The following EXOC6B variants were observed in gnomAD, a reference collection of about 807,000 sequenced individuals.
The protein encoded by EXOC6B is SEC15 homolog B.
Under a neutral mutation model 113.5 loss-of-function variants are expected in EXOC6B, and 54 were observed. The observed-to-expected ratio is 0.48, with a 90% CI of 0.38 to 0.60. The LOEUF (loss-of-function observed/expected upper bound fraction) is 0.60, where lower values mean the gene tolerates loss of function less well. Ranked by LOEUF, EXOC6B falls within the 20% of genes least tolerant of loss-of-function variation. The pLI, the probability that EXOC6B is intolerant of heterozygous loss-of-function variation, is 0.00. For synonymous variants in EXOC6B, 357 were observed against 339.0 expected (o/e 1.05, Z -0.58); for missense variants, 797 against 977.5 (o/e 0.82, Z 2.46).
At chr2:72,637,015 A>G (rs1292815258) in intron 6 of EXOC6B, among the ~76,000 whole-genome samples, 1 of 152,198 alleles carries the variant, frequency 6.6e-6, no homozygotes, top group Non-Finnish European at 1.5e-5. Flanking sequence ...TCATTTGAAC[A>G]TGATACCAAT....
intron 6 of EXOC6B, among the ~76,000 whole-genome samples, chr2:72,653,029 T>C (rs964358064): frequency 6.6e-6 from 1 of 151,838 alleles, no homozygotes; most frequent in Non-Finnish European, 1.5e-5. Context: ...TTTATAATCC[T>C]GTTGCCATTT....
At chr2:72,502,694 A>G (rs1328936162) in intron 11 of EXOC6B, among the ~76,000 whole-genome samples, 3 of 152,132 alleles carry the variant, frequency 2.0e-5, no homozygotes, top group African/African-American at 7.2e-5. Flanking sequence ...CCTGTTTGAC[A>G]CTCAATGTAT....
At chr2:72,324,109 G>A (rs1687996237) in intron 20 of EXOC6B, among the ~76,000 whole-genome samples, 1 of 151,888 alleles carries the variant, frequency 6.6e-6, no homozygotes, top group Non-Finnish European at 1.5e-5. Flanking sequence ...ATTGTGTTAA[G>A]ATAGAACATT....
chr2:72,684,016 C>T (rs1413824097), intron 6 of EXOC6B, among the ~76,000 whole-genome samples: 4 of 152,254 alleles, frequency 2.6e-5, no homozygotes, highest in African/African-American at 9.6e-5. Context: ...ACTGCAACCT[C>T]CGCTTCCCGG....
At chr2:72,326,781 T>C (rs1403971596) in intron 20 of EXOC6B, among the ~76,000 whole-genome samples, 1 of 151,516 alleles carries the variant, frequency 6.6e-6, no homozygotes, top group Non-Finnish European at 1.5e-5. Context: ...GCCATTAGTT[T>C]CAATGGCAAA....
chr2:72,659,885 G>T (rs1354973251), intron 6 of EXOC6B, among the ~76,000 whole-genome samples: 2 of 151,950 alleles, frequency 1.3e-5, no homozygotes, highest in Non-Finnish European at 2.9e-5. Flanking sequence ...CATTTGTTGT[G>T]CATATGCCAA....
intron 6 of EXOC6B, among the ~76,000 whole-genome samples, chr2:72,709,351 C>T (rs1679114365): frequency 6.6e-6 from 1 of 152,182 alleles, no homozygotes; most frequent in Non-Finnish European, 1.5e-5. Context: ...GAATTCTCAA[C>T]TGGGTTTCTC....
intron 6 of EXOC6B, among the ~76,000 whole-genome samples, chr2:72,599,523 A>G (rs1670278803): frequency 1.3e-5 from 2 of 152,188 alleles, no homozygotes; most frequent in Non-Finnish European, 2.9e-5. Flanking sequence ...ACTACTATCC[A>G]ACATCATATT....
chr2:72,187,284 G>A (rs1470764550), intron 20 of EXOC6B, among the ~76,000 whole-genome samples: 1 of 152,012 alleles, frequency 6.6e-6, no homozygotes, highest in Non-Finnish European at 1.5e-5. Flanking sequence ...ACAAAGGGCT[G>A]CAGCTCTTCT....
At chr2:72,216,515 C>T (rs1573015119) in intron 20 of EXOC6B, among the ~76,000 whole-genome samples, 1 of 152,202 alleles carries the variant, frequency 6.6e-6, no homozygotes, top group East Asian at 1.9e-4. Flanking sequence ...GGATCTAGAA[C>T]CAGAAATACC....
intron 8 of EXOC6B, among the ~76,000 whole-genome samples, chr2:72,516,849 T>C (rs1043469061): frequency 1.4e-4 from 21 of 152,214 alleles, no homozygotes; most frequent in Admixed American, 1.0e-3. Flanking sequence ...CAGTATCTCA[T>C]GCAAGCGCTT....
chr2:72,418,121 C>T (rs1694645875), intron 18 of EXOC6B, among the ~76,000 whole-genome samples: 1 of 152,040 alleles, frequency 6.6e-6, no homozygotes. Context: ...TTCCCTTCTG[C>T]TATTATATAG....
intron 19 of EXOC6B, among the ~76,000 whole-genome samples, chr2:72,350,185 A>G (rs1280459874): frequency 6.6e-6 from 1 of 152,224 alleles, no homozygotes; most frequent in Non-Finnish European, 1.5e-5. Flanking sequence ...GAAAATTTAA[A>G]TATATTATAT....
intron 19 of EXOC6B, among the ~76,000 whole-genome samples, chr2:72,369,237 A>T (rs571878094): frequency 5.9e-5 from 9 of 152,216 alleles, no homozygotes; most frequent in Non-Finnish European, 1.2e-4. Context: ...AGAGAGCCAA[A>T]TCATGAGTGA....
chr2:72,203,721 A>G (rs1258163443), intron 20 of EXOC6B, among the ~76,000 whole-genome samples: 1 of 152,164 alleles, frequency 6.6e-6, no homozygotes, highest in East Asian at 1.9e-4. Context: ...AATGAATTGT[A>G]TTCCCACATT....
At chr2:72,350,036 A>G (rs1292139272) in intron 19 of EXOC6B, among the ~76,000 whole-genome samples, 5 of 152,036 alleles carry the variant, frequency 3.3e-5, no homozygotes, top group Admixed American at 2.6e-4. Flanking sequence ...GGGCAGTACA[A>G]CTCGATATTG....
At chr2:72,569,456 G>A (rs925190698) in intron 7 of EXOC6B, among the ~76,000 whole-genome samples, 1 of 151,720 alleles carries the variant, frequency 6.6e-6, no homozygotes, top group Non-Finnish European at 1.5e-5. Flanking sequence ...TATCCCTGAC[G>A]GCAACACTGC....
At chr2:72,484,148 T>C (rs1347726052) in intron 16 of EXOC6B, among the ~76,000 whole-genome samples, 1 of 152,036 alleles carries the variant, frequency 6.6e-6, no homozygotes, top group Non-Finnish European at 1.5e-5. Flanking sequence ...ATTTCTTTTT[T>C]TTTTTTTTCA....
At chr2:72,637,583 G>A (rs945238757) in intron 6 of EXOC6B, among the ~76,000 whole-genome samples, 4 of 152,214 alleles carry the variant, frequency 2.6e-5, no homozygotes, top group African/African-American at 9.6e-5. Flanking sequence ...GAGGTCAGGA[G>A]TTTGAAACCA....
Sources: allele counts gnomAD v4.1 joint callset (sites outside exome capture counted in the v4.1 genomes callset), GRCh38; gene constraint gnomAD v4.1.1; transcripts MANE v1.5; gene names NCBI Gene and HGNC (gene_info 2026-07-23, HGNC 2026-07-21).